The following INTS4 variants were observed in gnomAD, a reference collection of about 807,000 sequenced individuals.
INTS4 encodes the protein integrator complex subunit 4.
INTS4 carries 70 observed loss-of-function variants against 119.5 expected under a neutral mutation model. That is an observed-to-expected ratio of 0.59 (90% CI 0.48 to 0.71). The LOEUF (loss-of-function observed/expected upper bound fraction) is 0.71, where lower values mean the gene tolerates loss of function less well. Among genes scored for constraint, INTS4 ranks in the 30% least tolerant of loss-of-function variants. INTS4 has a pLI of 0.00. For missense variants in INTS4, 867 were observed against 1,173.2 expected (o/e 0.74, Z 3.81); for synonymous variants, 316 against 419.6 (o/e 0.75, Z 3.02).
chr11:77,884,061 A>G, intron 21 of INTS4, 109 bp from the exon 22 acceptor site: 2 of 1,130,852 alleles, frequency 1.8e-6, no homozygotes, highest in Non-Finnish European at 2.5e-6. Flanking sequence ...CATGACACCA[A>G]CTTTACTAAG....
Position 77,991,001 on chromosome 11 carries a change from A to G in INTS4, c.246+107T>C, listed in dbSNP as rs1856662291. The G allele has an allele frequency of 1.3e-5, 13 of 970,240 alleles. No individual in the cohort carries two copies. In the South Asian group the frequency reaches 1.8e-4, roughly 13 times the overall value. The allele number at this position is 970,240 out of a possible 1,614,324, so 60.1% of individuals were successfully genotyped here. On this transcript the variant is annotated intron_variant, in intron 2 of 22. Coordinates refer to ENST00000534064, the MANE Select transcript of INTS4 (RefSeq NM_033547.4). ...GTACCTAGCACTTGGAAGACACTCA[A>G]TAAAAGCTTCCTAATGAATACCCTA...
intron 9 of INTS4, 36 bp from the exon 10 acceptor site, chr11:77,938,861 G>A (rs761882816): frequency 6.8e-7 from 1 of 1,474,618 alleles, no homozygotes; most frequent in South Asian, 1.3e-5. Flanking sequence ...ATTGTAGGAG[G>A]TTCATGAAGG....
At chr11:77,947,688 A>G (rs1954081180) in intron 8 of INTS4, among the ~76,000 whole-genome samples, 1 of 152,226 alleles carries the variant, frequency 6.6e-6, no homozygotes, top group African/African-American at 2.4e-5. Flanking sequence ...AAAAACTACA[A>G]CAGCTACAAA....
chr11:77,980,215 C>G (rs1049785589), intron 3 of INTS4, among the ~76,000 whole-genome samples: 5 of 151,946 alleles, frequency 3.3e-5, no homozygotes, highest in African/African-American at 1.2e-4. Flanking sequence ...AAGTAGAATG[C>G]CTTCCCCCAC....
intron 8 of INTS4, among the ~76,000 whole-genome samples, chr11:77,948,975 C>T (rs990341867): frequency 6.6e-6 from 1 of 152,104 alleles, no homozygotes; most frequent in African/African-American, 2.4e-5. Context: ...AAAAGAAGAA[C>T]AATCTGGTTT....
At chr11:77,899,848 A>C in intron 18 of INTS4, among the ~76,000 whole-genome samples, 1 of 152,080 alleles carries the variant, frequency 6.6e-6, no homozygotes, top group Non-Finnish European at 1.5e-5. Context: ...ACATCTTTAT[A>C]ATCTATGTTT....
At chr11:77,924,521 A>G in intron 12 of INTS4, 2 of 491,470 alleles carry the variant, frequency 4.1e-6, no homozygotes. Context: ...CAGCAGGCAC[A>G]TAATATTTGC....
Position 77,961,143 on chromosome 11 carries a change from T to TAAA in INTS4, c.472-8_472-6dup, listed in dbSNP as rs11370501. ...ATGAGACGTATCTGTCAGATGCTAT[T>TAAA]AAAAAAAAAAAAAAAAAGAAAAAAA... On this transcript the variant is annotated splice_region_variant and splice_polypyrimidine_tract_variant and intron_variant, in intron 4 of 22. Coordinates refer to ENST00000534064, the MANE Select transcript of INTS4 (RefSeq NM_033547.4). 4.3e-3 allele frequency: 5,198 copies of TAAA among 1,211,202 alleles called. 2 individuals carry two copies. The highest frequency in any genetic ancestry group is 4.9e-3 in the Middle Eastern group (21 of 4,326). The allele number at this position is 1,211,202 out of a possible 1,614,324, so 75.0% of individuals were successfully genotyped here. A position where few individuals can be genotyped will look rare whatever the true frequency, so the allele number is the denominator to read the frequency against.
intron 18 of INTS4, among the ~76,000 whole-genome samples, chr11:77,900,122 T>C (rs979142735): frequency 6.6e-6 from 1 of 151,614 alleles, no homozygotes; most frequent in Non-Finnish European, 1.5e-5. Flanking sequence ...TATATAAAGA[T>C]GGAGTCTTGC....
At chr11:77,891,652 T>G (rs780326983) in intron 20 of INTS4, 29 bp downstream of exon 20, 5 of 1,610,434 alleles carry the variant, frequency 3.1e-6, no homozygotes, top group Non-Finnish European at 4.2e-6. Flanking sequence ...TGGACAGATT[T>G]GGCCTACAGG....
chr11:77,897,165 A>G (rs1455225599), intron 18 of INTS4, among the ~76,000 whole-genome samples: 1 of 151,840 alleles, frequency 6.6e-6, no homozygotes, highest in Non-Finnish European at 1.5e-5. Context: ...AGGAATTTAA[A>G]AGGCGACAGA....
intron 18 of INTS4, among the ~76,000 whole-genome samples, chr11:77,895,355 G>A (rs1952463935): frequency 6.6e-6 from 1 of 151,472 alleles, no homozygotes; most frequent in Non-Finnish European, 1.5e-5. Context: ...TCAAGGTTTA[G>A]TCTTTTTATT....
chr11:77,921,610 C>T (rs1953361911), intron 13 of INTS4, 137 bp from the exon 14 acceptor site: 7 of 637,832 alleles, frequency 1.1e-5, no homozygotes, highest in Non-Finnish European at 2.9e-6. Flanking sequence ...ATACAAACAA[C>T]AAAATACATT....
intron 1 of INTS4, among the ~76,000 whole-genome samples, chr11:77,993,148 T>C (rs1856765519): frequency 6.6e-6 from 1 of 152,170 alleles, no homozygotes; most frequent in East Asian, 1.9e-4. Flanking sequence ...CAGGCCCTAT[T>C]GTCCATCTCC....
intron 2 of INTS4, chr11:77,987,701 A>C: frequency 2.3e-6 from 1 of 443,314 alleles, no homozygotes; most frequent in Non-Finnish European, 4.6e-6. Flanking sequence ...CTCCATCTCT[A>C]CAAAAAAAAT....
intron 1 of INTS4, 40 bp downstream of exon 1, chr11:77,994,550 T>G (rs371910373): frequency 3.4e-6 from 5 of 1,487,432 alleles, no homozygotes; most frequent in African/African-American, 2.8e-5. Flanking sequence ...TAATCTACCC[T>G]GGTCCGGATC....
intron 4 of INTS4, among the ~76,000 whole-genome samples, chr11:77,966,447 T>C (rs1358899890): frequency 1.3e-5 from 2 of 152,184 alleles, no homozygotes; most frequent in African/African-American, 4.8e-5. Context: ...ATGTTTTAAG[T>C]CTTTAATCCA....
intron 21 of INTS4, 91 bp from the exon 22 acceptor site, chr11:77,884,043 A>G: frequency 7.5e-7 from 1 of 1,333,464 alleles, no homozygotes; most frequent in Non-Finnish European, 1.0e-6. Flanking sequence ...TCAAAACACA[A>G]GAAGAAACAT....
chr11:77,897,754 T>C (rs1952594125), intron 18 of INTS4, among the ~76,000 whole-genome samples: 1 of 151,958 alleles, frequency 6.6e-6, no homozygotes, highest in South Asian at 2.1e-4. Flanking sequence ...ATCCACCCGA[T>C]TCGGCCTCCC....
Sources: gnomAD v4.1 joint callset for allele counts (sites outside exome capture counted in the v4.1 genomes callset) on GRCh38, gnomAD v4.1.1 for gene constraint, MANE v1.5 for transcripts, NCBI Gene and HGNC (gene_info 2026-07-23, HGNC 2026-07-21) for gene names.